ADGRG2: variants seen among roughly 807,000 people sequenced by gnomAD.
ADGRG2 encodes the protein G protein-coupled receptor 64.
ADGRG2 carries 26 observed loss-of-function variants against 74.1 expected under a neutral mutation model. That is an observed-to-expected ratio of 0.35 (90% CI 0.26 to 0.49). ADGRG2 has a LOEUF of 0.49. Ranked by LOEUF, ADGRG2 falls within the 20% of genes least tolerant of loss-of-function variation. The pLI is 0.99. For synonymous variants in ADGRG2, 296 were observed against 295.2 expected (o/e 1.00, Z -0.03); for missense variants, 619 against 763.1 (o/e 0.81, Z 2.22).
At chrX:19,039,053 T>C (rs1286211919) in intron 4 of ADGRG2, among the ~76,000 whole-genome samples, 1 of 111,741 alleles carries the variant, frequency 8.9e-6, no homozygotes, top group East Asian at 2.8e-4. Flanking sequence ...CTGGCACATA[T>C]GTTATCTCAT....
intron 1 of ADGRG2, among the ~76,000 whole-genome samples, chrX:19,106,469 G>A (rs1242331306): frequency 2.8e-5 from 3 of 108,081 alleles, no homozygotes; most frequent in Non-Finnish European, 5.7e-5. Flanking sequence ...CTTTCTCCAT[G>A]TCAGTATCTG....
intron 19 of ADGRG2, 78 bp from the exon 20 acceptor site, chrX:19,007,435 G>A (rs2060260376): frequency 5.3e-6 from 5 of 947,056 alleles, no homozygotes; most frequent in Non-Finnish European, 6.0e-6. Context: ...GGAATATTCA[G>A]TCCACATTGT....
chrX:19,019,283 T>C (rs933750878), intron 15 of ADGRG2, among the ~76,000 whole-genome samples: 48 of 112,391 alleles, frequency 4.3e-4, no homozygotes, highest in African/African-American at 1.2e-3. Flanking sequence ...AAGGAAATGT[T>C]GATTAAAGTA....
chrX:19,015,033 C>T (rs2060439954), intron 15 of ADGRG2, among the ~76,000 whole-genome samples: 1 of 111,787 alleles, frequency 8.9e-6, no homozygotes, highest in Non-Finnish European at 1.9e-5. Context: ...ATTTTCTAAA[C>T]TCTCTGGTGA....
At chrX:19,102,651 G>A (rs1274032665) in intron 1 of ADGRG2, among the ~76,000 whole-genome samples, 3 of 110,970 alleles carry the variant, frequency 2.7e-5, no homozygotes, top group African/African-American at 9.9e-5. Context: ...GTCATGCACA[G>A]TTATTGCTGT....
At chrX:19,073,427 A>T (rs2146925368) in intron 2 of ADGRG2, among the ~76,000 whole-genome samples, 1 of 111,644 alleles carries the variant, frequency 9.0e-6, no homozygotes, top group Non-Finnish European at 1.9e-5. Context: ...GATGATCCCC[A>T]ATTCATCTTT....
chrX:19,078,259 G>C (rs1174058639), intron 2 of ADGRG2, among the ~76,000 whole-genome samples: 3 of 112,080 alleles, frequency 2.7e-5, no homozygotes, highest in African/African-American at 9.7e-5. Context: ...ATGTTTATTA[G>C]AAAATATTCG....
chrX:19,033,032 C>T (rs886727346), intron 8 of ADGRG2: 5 of 112,009 alleles, frequency 4.5e-5, no homozygotes, highest in African/African-American at 1.6e-4. Context: ...TGAGACCAGC[C>T]TGGGCAACGT....
chrX:19,015,663 G>A (rs1319327278), intron 15 of ADGRG2, among the ~76,000 whole-genome samples: 1 of 112,135 alleles, frequency 8.9e-6, no homozygotes, highest in Admixed American at 9.4e-5. Context: ...AGGTTGCAGT[G>A]AGCCAAGATT....
intron 16 of ADGRG2, among the ~76,000 whole-genome samples, chrX:19,011,165 T>A (rs1452209683): frequency 8.9e-6 from 1 of 112,076 alleles, no homozygotes; most frequent in Non-Finnish European, 1.9e-5. Context: ...GTGAGTCTCT[T>A]CATATGATAT....
Position 19,095,049 on chromosome X carries a change from A to G in ADGRG2, c.-46-12303T>C, listed in dbSNP as rs143177018. 4.6e-3 allele frequency among the ~76,000 whole-genome samples: 514 copies of G among 111,874 alleles called. 2 individuals carry two copies. The highest frequency in any genetic ancestry group is 0.016 in the African/African-American group (493 of 30,824). On this transcript the variant is annotated intron_variant, in intron 1 of 28. Coordinates refer to ENST00000379869, the MANE Select transcript of ADGRG2 (RefSeq NM_001079858.3). ...GACAGCCTGAATGGACTCCTCTGAA[A>G]ACTACGAAACTGGACACAAAAACAG...
chrX:19,069,425 T>G (rs1216134316), intron 2 of ADGRG2, among the ~76,000 whole-genome samples: 6 of 110,964 alleles, frequency 5.4e-5, no homozygotes, highest in Admixed American at 2.9e-4. Context: ...ATAAGTGATA[T>G]GGACAGGAGG....
At chrX:19,080,808 G>A (rs1213617841) in intron 2 of ADGRG2, among the ~76,000 whole-genome samples, 7 of 110,335 alleles carry the variant, frequency 6.3e-5, no homozygotes, top group Non-Finnish European at 9.5e-5. Flanking sequence ...CGATCCTCCT[G>A]CCTCAGGCTC....
chrX:19,004,919 T>A (rs777782875), intron 22 of ADGRG2, 40 bp from the exon 23 acceptor site: 44 of 1,051,448 alleles, frequency 4.2e-5, no homozygotes, highest in African/African-American at 3.9e-4. Flanking sequence ...CAAATATTTT[T>A]AAATAAATAC....
chrX:19,075,208 TA>T (rs1449679396), intron 2 of ADGRG2, among the ~76,000 whole-genome samples: 71 of 25,589 alleles, frequency 2.8e-3, no homozygotes, highest in African/African-American at 0.011. Context: ...TCAAAAGAAA[TA>T]AAAAGAGATC....
chrX:19,083,153 G>A (rs1204538898), intron 1 of ADGRG2, among the ~76,000 whole-genome samples: 2 of 105,428 alleles, frequency 1.9e-5, no homozygotes, highest in Non-Finnish European at 3.9e-5. Flanking sequence ...ACAGGCACAC[G>A]CTACCACACC....
chrX:19,005,031 CA>C (rs2060202176), intron 22 of ADGRG2, 152 bp from the exon 23 acceptor site: 2 of 421,478 alleles, frequency 4.7e-6, no homozygotes, highest in Non-Finnish European at 8.1e-6. Flanking sequence ...GATAAGGAAA[CA>C]GAGACAGACA....
At position 19,079,827 on chromosome X, in the gene ADGRG2, G is replaced by T. The variant is rs187226267; in HGVS notation, c.-2+2875C>A. Among the ~76,000 whole-genome samples, 6 of 111,659 alleles carry T rather than the reference G, an allele frequency of 5.4e-5. No homozygotes were observed. In the East Asian group the frequency reaches 1.7e-3, roughly 31 times the overall value. ...AAGTGAATCAATATCAGACGTGCAA[G>T]ATTAGAACTAAATTGTGCGCTTAAT... On this transcript the variant is annotated intron_variant, in intron 2 of 28. Transcript: ENST00000379869.
chrX:19,110,337 A>G (rs957585481), intron 1 of ADGRG2, among the ~76,000 whole-genome samples: 1 of 111,331 alleles, frequency 9.0e-6, no homozygotes, highest in African/African-American at 3.3e-5. Flanking sequence ...TCAGGTCATC[A>G]AAGAGGAGAT....
Sources: gnomAD v4.1 joint callset for allele counts (sites outside exome capture counted in the v4.1 genomes callset) on GRCh38, gnomAD v4.1.1 for gene constraint, MANE v1.5 for transcripts, NCBI Gene and HGNC (gene_info 2026-07-23, HGNC 2026-07-21) for gene names.